Variants in DST observed in about 807,000 individuals in gnomAD.
The protein encoded by DST is bullous pemphigoid antigen.
A neutral mutation model predicts 875.2 loss-of-function variants in DST; 253 were observed. The ratio of observed to expected loss-of-function variants is 0.29; its 90% confidence interval spans 0.26 to 0.32. The LOEUF is 0.32. Among genes scored for constraint, DST ranks in the 10% least tolerant of loss-of-function variants. The pLI is 1.00. For synonymous variants in DST, 3,124 were observed against 3,197.1 expected, an observed-to-expected ratio of 0.98 and a Z score of 0.77; for missense variants, 8,287 against 9,111.6, an observed-to-expected ratio of 0.91 and a Z score of 3.68.
At chr6:56,549,914 T>C (rs2097292452) in intron 61 of DST, among the ~76,000 whole-genome samples, 1 of 152,182 alleles carries the variant, frequency 6.6e-6, no homozygotes, top group South Asian at 2.1e-4. Flanking sequence ...AGAATCAGGT[T>C]CTGACACTAT....
In DST at chr6:56,686,094, T is replaced by C. The variant is rs143799691; in HGVS notation, c.1047+13559A>G. On this transcript the variant is annotated intron_variant, in intron 9 of 103. Coordinates refer to ENST00000680361, the MANE Select transcript of DST (RefSeq NM_001374736.1). The stretch of plus-strand genomic sequence containing the variant: ...AAAGAAAATGTGCTACATACAGCCA[T>C]ACCTTAGAATACTACACAGCCATAA... 4.1e-3 allele frequency among the ~76,000 whole-genome samples: 629 copies of C among 152,326 alleles called. 1 individual carries two copies. The highest frequency in any genetic ancestry group is 0.014 in the African/African-American group (601 of 41,582).
Position 56,572,904 on chromosome 6 carries a change from T to C in DST, c.13397A>G (p.Lys4466Arg), listed in dbSNP as rs1333773792. ...ARFSEASHKH[K>R]ETLAKMEELK... is the part of the protein sequence containing the mutation. Reference sequence around the variant, plus strand: ...CTCCTCCATTTTGGCAAGAGTTTCTTTGTGTTTATGACTTGCTTCTGAAAA... The same window carrying C: ...CTCCTCCATTTTGGCAAGAGTTTCTCTGTGTTTATGACTTGCTTCTGAAAA... Residue 4466 changes from lysine (K) to arginine (R), a missense_variant, in exon 52 of 104, where the codon AAA (lysine) becomes AGA (arginine). Coordinates refer to ENST00000680361, the MANE Select transcript of DST (RefSeq NM_001374736.1). The C allele has an allele frequency of 2.5e-6, 4 of 1,613,344 alleles. No individual in the cohort carries two copies. Among genetic ancestry groups the C allele is most frequent in the Admixed American group, 3.3e-5 (2 of 59,856 alleles).
intron 12 of DST, among the ~76,000 whole-genome samples, chr6:56,649,855 G>A (rs79999119): frequency 0.061 from 9,337 of 152,196 alleles, 912 homozygotes; most frequent in African/African-American, 0.21. Flanking sequence ...CGAGGCAGTG[G>A]GAAGAAGAAC....
At chr6:56,734,217 T>C (rs558301007) in intron 5 of DST, among the ~76,000 whole-genome samples, 5 of 152,394 alleles carry the variant, frequency 3.3e-5, no homozygotes, top group South Asian at 4.1e-4. Flanking sequence ...GAGTGCGTGA[T>C]GTGCCCTCCC....
chr6:56,809,446 T>C (rs1308717286), intron 4 of DST, among the ~76,000 whole-genome samples: 4 of 152,278 alleles, frequency 2.6e-5, no homozygotes, highest in Admixed American at 1.3e-4. Flanking sequence ...ACCATTTGAG[T>C]GGTAGCATAA....
Position 56,608,563 on chromosome 6 carries a change from C to T in DST, c.6065G>A (p.Ser2022Asn), listed in dbSNP as rs1291779420. Residue 2022 changes from serine to asparagine, a missense_variant, in exon 40 of 104, where the codon AGC (serine) becomes AAC (asparagine). Coordinates refer to ENST00000680361, the MANE Select transcript of DST (RefSeq NM_001374736.1). ...REGVIDRDTA[S>N]SILTYQVQTG... ...TTGAACCTGATATGTGAGGATACTG[C>T]TAGCAGTGTCCCTGTCAATCACCCC... is the stretch of plus-strand genomic sequence containing the variant. The T allele has an allele frequency of 6.2e-7, 1 of 1,613,508 alleles. No individual in the cohort carries two copies. The highest frequency in any genetic ancestry group is 8.5e-7 in the Non-Finnish European group (1 of 1,179,718).
intron 2 of DST, among the ~76,000 whole-genome samples, chr6:56,920,895 A>ATATTTTTTTTT (rs1803827559): frequency 5.0e-5 from 3 of 59,678 alleles, no homozygotes; most frequent in Non-Finnish European, 9.3e-5. Context: ...CGCCCAGCTA[A>ATATTTTTTTTT]TTTTTTTTTT....
At chr6:56,625,480 T>C (rs1264104713) in intron 34 of DST, among the ~76,000 whole-genome samples, 1 of 152,112 alleles carries the variant, frequency 6.6e-6, no homozygotes, top group Non-Finnish European at 1.5e-5. Context: ...ACAGACCGTA[T>C]ACATGATGGT....
At chr6:56,652,907 C>T (rs1382695403) in intron 10 of DST, among the ~76,000 whole-genome samples, 1 of 152,140 alleles carries the variant, frequency 6.6e-6, no homozygotes, top group Non-Finnish European at 1.5e-5. Flanking sequence ...CACATAGAAA[C>T]ATCTGAAGAA....
At chr6:56,567,766 G>C (rs1330479518) in intron 55 of DST, among the ~76,000 whole-genome samples, 1 of 151,896 alleles carries the variant, frequency 6.6e-6, no homozygotes, top group Non-Finnish European at 1.5e-5. Context: ...AGGATACTCA[G>C]AACTCTCAGA....
intron 43 of DST, 62 bp from the exon 44 acceptor site, chr6:56,601,738 C>T (rs2098448079): frequency 2.1e-6 from 2 of 964,698 alleles, no homozygotes; most frequent in Non-Finnish European, 3.0e-6. Context: ...TTTATATTAA[C>T]AATAATATTT....
intron 3 of DST, chr6:56,871,220 C>A: frequency 1.3e-6 from 1 of 766,810 alleles, no homozygotes; most frequent in Non-Finnish European, 2.4e-6. Context: ...ACCCAGAGAA[C>A]CACACAAAGT....
At chr6:56,677,632 A>C (rs998795966) in intron 9 of DST, among the ~76,000 whole-genome samples, 6 of 152,198 alleles carry the variant, frequency 3.9e-5, no homozygotes, top group African/African-American at 1.4e-4. Flanking sequence ...TATTATCTGC[A>C]GTAGTATTGC....
intron 4 of DST, among the ~76,000 whole-genome samples, chr6:56,781,862 T>C (rs1164758619): frequency 2.0e-5 from 3 of 152,324 alleles, no homozygotes; most frequent in South Asian, 4.1e-4. Flanking sequence ...TGTGGGTCTG[T>C]CATAGATAGC....
intron 10 of DST, among the ~76,000 whole-genome samples, chr6:56,651,744 G>A (rs1380128595): frequency 1.3e-5 from 2 of 152,090 alleles, no homozygotes; most frequent in East Asian, 3.9e-4. Context: ...TATGGAGCCT[G>A]GCTGATCTTC....
At chr6:56,759,176 C>G (rs946553041) in intron 4 of DST, among the ~76,000 whole-genome samples, 1 of 152,126 alleles carries the variant, frequency 6.6e-6, no homozygotes, top group African/African-American at 2.4e-5. Flanking sequence ...TCAGCCCAGG[C>G]GCAGTGGCTC....
chr6:56,463,467 T>C, intron 101 of DST, 98 bp downstream of exon 101: 1 of 1,143,878 alleles, frequency 8.7e-7, no homozygotes. Context: ...TGGAGATAGC[T>C]GGTCCTACAA....
intron 33 of DST, among the ~76,000 whole-genome samples, chr6:56,627,534 T>C (rs1380532497): frequency 6.6e-6 from 1 of 152,196 alleles, no homozygotes; most frequent in Non-Finnish European, 1.5e-5. Flanking sequence ...AAAAGCAGAC[T>C]TGATGCCCTT....
rs2099802850 is a variant in DST at position 56,843,364 on chromosome 6, T to C, written c.625+8033A>G. The C allele has an allele frequency of 1.4e-5, 17 of 1,177,336 alleles. 1 individual carries two copies. In the South Asian group the frequency reaches 2.5e-4, roughly 18 times the overall value. The allele number at this position is 1,177,336 out of a possible 1,614,324, so 72.9% of individuals were successfully genotyped here. On this transcript the variant is annotated intron_variant, in intron 4 of 103. Coordinates refer to ENST00000680361, the MANE Select transcript of DST (RefSeq NM_001374736.1). ...ACGCCCAGGCCTCCGGGCAGGCCGA[T>C]GGTGGGCCGCCCGGCTCCGGGAGCC...
Sources: gnomAD v4.1 joint callset for allele counts (sites outside exome capture counted in the v4.1 genomes callset) on GRCh38, gnomAD v4.1.1 for gene constraint, MANE v1.5 for transcripts, NCBI Gene and HGNC (gene_info 2026-07-23, HGNC 2026-07-21) for gene names.